The following UROC1 variants were observed in gnomAD, a reference collection of about 807,000 sequenced individuals.
The protein encoded by UROC1 is urocanate hydratase.
In UROC1, 79 loss-of-function variants were observed where a neutral mutation model predicts 89.5. That is an observed-to-expected ratio of 0.88 (90% CI 0.74 to 1.06). UROC1 has a LOEUF of 1.06. Among genes scored for constraint, UROC1 ranks in the 50% least tolerant of loss-of-function variants. The pLI is 0.00. For missense variants in UROC1, 885 were observed against 907.8 expected, an observed-to-expected ratio of 0.97 and a Z score of 0.32; for synonymous variants, 361 against 354.8, an observed-to-expected ratio of 1.02 and a Z score of -0.20.
At chr3:126,492,714 C>G (rs1935684211) in intron 15 of UROC1, among the ~76,000 whole-genome samples, 198 bp from the exon 16 acceptor site, 1 of 152,140 alleles carries the variant, frequency 6.6e-6, no homozygotes, top group Non-Finnish European at 1.5e-5. Flanking sequence ...CCACATTCAG[C>G]CCACTAGACA....
rs1423389103 is a variant in UROC1, at chr3:126,498,083, G to A, written c.1406C>T (p.Thr469Ile). 1.2e-6 allele frequency: 2 copies of A among 1,614,158 alleles called. No homozygotes were observed. The highest frequency in any genetic ancestry group is 1.7e-5 in the Admixed American group (1 of 60,034). The change falls in exon 14 of 20, where the codon ACA becomes ATA. Residue 469 changes from threonine (T) to isoleucine (I), a missense_variant. Transcript: ENST00000290868. Reference sequence around the variant, plus strand: ...AGCAATGGCTTCCTCCAGCACAGATGTGGCCAGTTCGTCTGTGACCGCCAG... The same window carrying A: ...AGCAATGGCTTCCTCCAGCACAGATATGGCCAGTTCGTCTGTGACCGCCAG... ...QDLAVTDELA[T>I]SVLEEAIADG...
chr3:126,489,381 C>G lies in UROC1; in HGVS notation c.1609-6G>C. ...CGGCTCAGGACCACCGGCGCCTGTGCATGGAAGGACAGAAGCTGTCAGCCA... is the reference window on the plus strand; with the variant it reads ...CGGCTCAGGACCACCGGCGCCTGTGGATGGAAGGACAGAAGCTGTCAGCCA... On this transcript the variant is annotated splice_region_variant and splice_polypyrimidine_tract_variant and intron_variant, in intron 16 of 19. Coordinates refer to ENST00000290868, the MANE Select transcript of UROC1 (RefSeq NM_144639.3). The G allele has an allele frequency of 6.2e-7, 1 of 1,610,688 alleles. No individual in the cohort carries two copies. The highest frequency in any genetic ancestry group is 2.2e-5 in the East Asian group (1 of 44,858).
At position 126,500,555 on chromosome 3, in the gene UROC1, G is replaced by A. The variant is rs1038503172; in HGVS notation, c.1145+140C>T. On this transcript the variant is annotated intron_variant, in intron 11 of 19. Coordinates refer to ENST00000290868, the MANE Select transcript of UROC1 (RefSeq NM_144639.3). ...AGTGTGTCATGACTCCGTCTGATGG[G>A]TGGAGGCAGAGGCTCAGAGAGGTTA... 1.1e-5 allele frequency: 11 copies of A among 1,023,608 alleles called. No homozygotes were observed. In the Admixed American group the frequency reaches 1.9e-4, roughly 17 times the overall value. The allele number at this position is 1,023,608 out of a possible 1,614,324, so 63.4% of individuals were successfully genotyped here.
chr3:126,501,843 C>CTT, intron 9 of UROC1: 1 of 1,599,496 alleles, frequency 6.3e-7, no homozygotes. Flanking sequence ...GGCACCTCCC[C>CTT]TCCCCCAGGG....
chr3:126,497,904 T>C, intron 14 of UROC1, 147 bp downstream of exon 14: 1 of 1,390,466 alleles, frequency 7.2e-7, no homozygotes, highest in South Asian at 1.2e-5. Flanking sequence ...TGTTGCCAGC[T>C]GAGCACCCAC....
intron 10 of UROC1, 85 bp downstream of exon 10, chr3:126,501,133 C>G (rs1274817164): frequency 2.8e-6 from 4 of 1,417,894 alleles, no homozygotes; most frequent in Non-Finnish European, 4.0e-6. Flanking sequence ...TGTGTCCTGG[C>G]AGCTCCTGGT....
chr3:126,483,103 G>T (rs1935426745), intron 19 of UROC1, among the ~76,000 whole-genome samples: 1 of 152,108 alleles, frequency 6.6e-6, no homozygotes, highest in Admixed American at 6.5e-5. Flanking sequence ...CCCAGCCCAG[G>T]GGCTTTCAGT....
intron 13 of UROC1, 32 bp from the exon 14 acceptor site, chr3:126,498,204 C>T: frequency 6.2e-7 from 1 of 1,613,778 alleles, no homozygotes; most frequent in Non-Finnish European, 8.5e-7. Context: ...CACCCTGGGC[C>T]CGCTGGCTTG....
Position 126,510,647 on chromosome 3 carries a change from G to A in UROC1, c.257+17C>T. 1 of 1,613,516 alleles carries A rather than the reference G, an allele frequency of 6.2e-7. No individual in the cohort carries two copies. Among genetic ancestry groups the A allele is most frequent in the Non-Finnish European group, 8.5e-7 (1 of 1,179,956 alleles). On this transcript the variant is annotated intron_variant, in intron 2 of 19. Coordinates refer to ENST00000290868, the MANE Select transcript of UROC1 (RefSeq NM_144639.3). ...CTGCCCCTCGGGTCCCTTTGAAGCT[G>A]TACCCACAAGGCTGACCTCATTTCA...
intron 16 of UROC1, among the ~76,000 whole-genome samples, chr3:126,490,642 G>A (rs1250211177): frequency 9.9e-5 from 15 of 151,640 alleles, no homozygotes; most frequent in African/African-American, 3.2e-4. Context: ...CTGAGACCAC[G>A]CCTGGGCTAT....
intron 13 of UROC1, 65 bp downstream of exon 13, chr3:126,499,272 G>T (rs549743455): frequency 2.6e-6 from 4 of 1,558,014 alleles, no homozygotes; most frequent in Admixed American, 1.7e-5. Flanking sequence ...TACCCAGGAC[G>T]CAGACCCTGA....
At chr3:126,507,640 A>C in intron 6 of UROC1, 102 bp downstream of exon 6, 1 of 1,206,476 alleles carries the variant, frequency 8.3e-7, no homozygotes, top group African/African-American at 1.5e-5. Flanking sequence ...CAGTTCTGTG[A>C]CTATGTCTTT....
rs746191170 is a variant in UROC1, at chr3:126,510,767, A to C, written c.154T>G (p.Phe52Val). The C allele has an allele frequency of 7.4e-6, 12 of 1,613,844 alleles. No individual in the cohort carries two copies. The highest frequency in any genetic ancestry group is 4.5e-5 in the East Asian group (2 of 44,890). ...QLALRNALRY[F>V]PPDVQELLAP... The stretch of plus-strand genomic sequence containing the variant: ...AGCAGCTCCTGGACATCCGGGGGGA[A>C]GTAGCGCAGGGCGTTCCTCAGCGCC... Residue 52 changes from phenylalanine to valine, a missense_variant, in exon 2 of 20, where the codon TTC (phenylalanine) becomes GTC (valine). By Grantham distance (50) the Phe-to-Val change is conservative (BLOSUM62 -1). Transcript: ENST00000290868.
chr3:126,514,012 C>G (rs540612590), intron 1 of UROC1, among the ~76,000 whole-genome samples: 1 of 152,344 alleles, frequency 6.6e-6, no homozygotes, highest in East Asian at 1.9e-4. Flanking sequence ...CACACTGCCT[C>G]CCCTTGTCTC....
Position 126,499,332 on chromosome 3 carries a change from C to T in UROC1, c.1316+5G>A. The T allele has an allele frequency of 6.2e-7, 1 of 1,610,854 alleles. No homozygotes were observed. The highest frequency in any genetic ancestry group is 1.1e-5 in the South Asian group (1 of 90,758). ...CACTAGATGTGGCAGCCGCCCATCA[C>T]TCACCCCATGATGTGCTGCACATAG... On this transcript the variant is annotated splice_donor_5th_base_variant and intron_variant, in intron 13 of 19. Coordinates refer to ENST00000290868, the MANE Select transcript of UROC1 (RefSeq NM_144639.3).
At chr3:126,501,075 T>C (rs1576722213) in intron 10 of UROC1, 143 bp downstream of exon 10, 1 of 1,189,376 alleles carries the variant, frequency 8.4e-7, no homozygotes, top group Non-Finnish European at 1.3e-6. Context: ...CAAGCTTGGG[T>C]AAGGGTGTGG....
chr3:126,517,647 C>A lies in UROC1; in HGVS notation c.73G>T (p.Gly25Trp). The change falls in exon 1 of 20, where the codon GGG (glycine) becomes TGG (tryptophan). Residue 25 changes from glycine (G) to tryptophan (W), a missense_variant. Transcript: ENST00000290868. ...PLPENRGRQA[G>W]VPHAPVRTPS... ...GTCCTGACAGGGGCATGGGGCACCC[C>A]AGCCTGGCGTCCCCGGTTCTCTGGG... 6.2e-7 allele frequency: 1 copy of A among 1,610,736 alleles called. No homozygotes were observed.
chr3:126,508,552 C>A (rs544968127), intron 3 of UROC1, 77 bp from the exon 4 acceptor site: 19 of 1,281,946 alleles, frequency 1.5e-5, no homozygotes, highest in African/African-American at 1.2e-4. Flanking sequence ...GAGAAAGGGC[C>A]CCCATCCCCT....
chr3:126,506,910 T>C (rs1296700070), intron 6 of UROC1, among the ~76,000 whole-genome samples: 1 of 152,080 alleles, frequency 6.6e-6, no homozygotes, highest in Non-Finnish European at 1.5e-5. Context: ...AAACCCCATC[T>C]CTACTAAAAA....
Sources: allele counts gnomAD v4.1 joint callset (sites outside exome capture counted in the v4.1 genomes callset), GRCh38; gene constraint gnomAD v4.1.1; transcripts MANE v1.5; gene names NCBI Gene and HGNC (gene_info 2026-07-23, HGNC 2026-07-21).